LCP1: variants seen among roughly 807,000 people sequenced by gnomAD.
LCP1 encodes the protein plastin-2.
A neutral mutation model predicts 72.0 loss-of-function variants in LCP1; 23 were observed. The ratio of observed to expected loss-of-function variants is 0.32; its 90% CI spans 0.23 to 0.45. LCP1 has a LOEUF of 0.45. Ranked by LOEUF, LCP1 falls within the 20% of genes least tolerant of loss-of-function variation. LCP1 has a pLI of 1.00. For synonymous variants in LCP1, 245 were observed against 275.4 expected, an observed-to-expected ratio of 0.89 and a Z score of 1.09; for missense variants, 571 against 748.3, an observed-to-expected ratio of 0.76 and a Z score of 2.76.
At chr13:46,148,671 AG>A in intron 8 of LCP1, 1 of 490,770 alleles carries the variant, frequency 2.0e-6, no homozygotes, top group Non-Finnish European at 3.4e-6. Flanking sequence ...AAAATAGACA[AG>A]ATATACACAA....
intron 1 of LCP1, among the ~76,000 whole-genome samples, chr13:46,174,450 C>T (rs2045918467): frequency 6.6e-6 from 1 of 152,094 alleles, no homozygotes; most frequent in African/African-American, 2.4e-5. Flanking sequence ...AAAGACTTCC[C>T]ACCATAAAAT....
chr13:46,163,583 T>G (rs189693356), intron 1 of LCP1, among the ~76,000 whole-genome samples: 54 of 150,250 alleles, frequency 3.6e-4, no homozygotes, highest in African/African-American at 1.1e-3. Flanking sequence ...ACTATTGTCC[T>G]GTGACCCTGC....
At chr13:46,130,727 T>C (rs2045628524) in intron 15 of LCP1, 87 bp downstream of exon 15, 1 of 1,462,114 alleles carries the variant, frequency 6.8e-7, no homozygotes, top group Non-Finnish European at 9.4e-7. Context: ...AATGTTTGTA[T>C]AAAGGCATGA....
At chr13:46,149,397 G>T (rs1438758124) in intron 8 of LCP1, among the ~76,000 whole-genome samples, 2 of 152,122 alleles carry the variant, frequency 1.3e-5, no homozygotes, top group African/African-American at 4.8e-5. Context: ...TTTCACTGTA[G>T]CTATTTTGAA....
intron 5 of LCP1, 36 bp from the exon 6 acceptor site, chr13:46,154,922 T>C (rs1394915890): frequency 1.3e-6 from 2 of 1,532,526 alleles, no homozygotes; most frequent in East Asian, 4.5e-5. Flanking sequence ...GAAAGCAGTC[T>C]TCTGAATAAC....
chr13:46,132,083 T>TTA (rs1261808195), intron 14 of LCP1, among the ~76,000 whole-genome samples: 8 of 137,126 alleles, frequency 5.8e-5, no homozygotes, highest in Non-Finnish European at 8.1e-5. Context: ...TAGTATGACA[T>TTA]TTCTTTCAGT....
intron 8 of LCP1, 110 bp from the exon 9 acceptor site, chr13:46,148,557 C>T (rs994815849): frequency 1.4e-6 from 1 of 698,794 alleles, no homozygotes; most frequent in Admixed American, 2.6e-5. Context: ...AGCTATCATT[C>T]CAGAATGTAA....
intron 11 of LCP1, 99 bp from the exon 12 acceptor site, chr13:46,143,503 T>C: frequency 1.3e-6 from 1 of 755,314 alleles, no homozygotes; most frequent in East Asian, 2.6e-5. Flanking sequence ...CAAAGAATAT[T>C]CACAACAACC....
At chr13:46,128,010 T>G (rs1269332393) in intron 15 of LCP1, among the ~76,000 whole-genome samples, 1 of 151,082 alleles carries the variant, frequency 6.6e-6, no homozygotes, top group African/African-American at 2.4e-5. Flanking sequence ...TAAGTTTTTT[T>G]TTTTTTTTTT....
Position 46,147,077 on chromosome 13 carries a change from T to G in LCP1, c.1005A>C (p.Glu335Asp). 6.2e-7 allele frequency: 1 copy of G among 1,605,606 alleles called. No individual in the cohort carries two copies. Among genetic ancestry groups the G allele is most frequent in the Non-Finnish European group, 8.5e-7 (1 of 1,176,420 alleles). ...GCCTCTCCGCCTGCTGCAGCATGCA[T>G]TCTGCCCTCTGGATGTCATCCTTCT... The part of the protein sequence containing the change: ...LREKDDIQRA[E>D]CMLQQAERLG... The change falls in exon 10 of 16, where the codon GAA becomes GAC. Residue 335 changes from glutamate to aspartate, a missense_variant. Transcript: ENST00000323076.
At position 46,147,013 on chromosome 13, in the gene LCP1, G is replaced by A. The variant is rs765040124; in HGVS notation, c.1069C>T (p.Arg357Ter). The A allele has an allele frequency of 5.6e-6, 9 of 1,613,998 alleles. No homozygotes were observed. Among genetic ancestry groups the A allele is most frequent in the East Asian group, 4.5e-5 (2 of 44,866 alleles). ...RQFVTATDVV[R>*]GNPKLNLAFI... is the part of the protein sequence containing the mutation. ...GCCAAGTTCAACTTGGGGTTCCCTCGGACAACATCTGTGGCTGTGACAAAC... is the reference window on the plus strand; with the variant it reads ...GCCAAGTTCAACTTGGGGTTCCCTCAGACAACATCTGTGGCTGTGACAAAC... The change falls in exon 10 of 16, where the codon CGA (arginine) becomes TGA (stop). Residue 357 changes from arginine to a stop codon, truncating the protein, a stop_gained. Transcript: ENST00000323076. LOFTEE classifies it high-confidence loss of function.
Position 46,158,910 on chromosome 13 carries a change from A to G in LCP1, c.144T>C (p.Tyr48=). 1 of 1,614,190 alleles carries G rather than the reference A, an allele frequency of 6.2e-7. No homozygotes were observed. The highest frequency in any genetic ancestry group is 8.5e-7 in the Non-Finnish European group (1 of 1,180,030). The part of the protein sequence containing the change: ...FKAACLPLPG[Y]RVREITENLM... ...GGTTTTCTGTAATTTCTCGTACTCT[A>G]TACCCAGGCAAAGGCAAGCAAGCAG... The change falls in exon 3 of 16, where the codon TAT becomes TAC. Residue 48 remains tyrosine (Y), a synonymous_variant. Transcript: ENST00000323076.
intron 13 of LCP1, among the ~76,000 whole-genome samples, chr13:46,135,563 A>G (rs1426357593): frequency 5.3e-5 from 8 of 152,166 alleles, no homozygotes; most frequent in Admixed American, 4.6e-4. Flanking sequence ...ACACCTTCCC[A>G]TTATTGAAGA....
intron 9 of LCP1, 97 bp downstream of exon 9, chr13:46,148,255 G>C (rs13378812): frequency 0.046 from 38,234 of 822,830 alleles, 2,162 homozygotes; most frequent in African/African-American, 0.23. Context: ...GAAATGCCCA[G>C]TCATGGAACT....
chr13:46,181,536 T>C (rs891352040), intron 1 of LCP1, among the ~76,000 whole-genome samples: 1 of 152,332 alleles, frequency 6.6e-6, no homozygotes, highest in East Asian at 1.9e-4. Context: ...TCTAATTCCA[T>C]GTGGTTATAA....
At chr13:46,168,310 A>T (rs2045887596) in intron 1 of LCP1, among the ~76,000 whole-genome samples, 1 of 152,200 alleles carries the variant, frequency 6.6e-6, no homozygotes, top group Non-Finnish European at 1.5e-5. Context: ...ATTAGAAAGT[A>T]TTGCAAATGA....
chr13:46,169,365 T>C (rs1278070902), intron 1 of LCP1: 4 of 152,242 alleles, frequency 2.6e-5, no homozygotes, highest in South Asian at 4.1e-4. Context: ...CCAAATCACA[T>C]ACAAATATTG....
chr13:46,159,036 A>T, intron 2 of LCP1, 47 bp from the exon 3 acceptor site: 1 of 1,583,776 alleles, frequency 6.3e-7, no homozygotes, highest in Non-Finnish European at 8.7e-7. Context: ...TTCAGGCAAC[A>T]GCTTTTAGAG....
At chr13:46,145,865 C>T (rs1336747122) in intron 10 of LCP1, among the ~76,000 whole-genome samples, 1 of 69,856 alleles carries the variant, frequency 1.4e-5, no homozygotes, top group African/African-American at 7.9e-5. Context: ...GCCGAGATCC[C>T]GCCACTGCAC....
Sources: allele counts gnomAD v4.1 joint callset (sites outside exome capture counted in the v4.1 genomes callset), GRCh38; gene constraint gnomAD v4.1.1; transcripts MANE v1.5; gene names NCBI Gene and HGNC (gene_info 2026-07-23, HGNC 2026-07-21).